Variants in RNF130 observed in about 807,000 individuals in gnomAD.
RNF130 encodes the protein ring finger protein 130.
RNF130 carries 21 observed loss-of-function variants against 44.6 expected under a neutral mutation model. That is an observed-to-expected ratio of 0.47 (90% CI 0.33 to 0.68). The LOEUF (loss-of-function observed/expected upper bound fraction) is 0.68, where lower values mean the gene tolerates loss of function less well. Ranked by LOEUF, RNF130 falls within the 30% of genes least tolerant of loss-of-function variation. The probability of loss-of-function intolerance (pLI) is 0.02; values close to 1 mark genes in which losing one functional copy is unlikely to be tolerated. For synonymous variants in RNF130, 214 were observed against 210.4 expected, an observed-to-expected ratio of 1.02 and a Z score of -0.15; for missense variants, 479 against 560.6, an observed-to-expected ratio of 0.85 and a Z score of 1.47.
At chr5:179,928,243 T>C (rs1761734324) in intron 7 of RNF130, among the ~76,000 whole-genome samples, 1 of 152,178 alleles carries the variant, frequency 6.6e-6, no homozygotes, top group Admixed American at 6.6e-5. Flanking sequence ...GGTGTGCATA[T>C]TTTCAGCGTC....
intron 7 of RNF130, among the ~76,000 whole-genome samples, chr5:179,948,214 G>A (rs577000846): frequency 1.3e-4 from 20 of 152,236 alleles, no homozygotes; most frequent in African/African-American, 4.1e-4. Context: ...CAGATATTGC[G>A]AAGATTAAAA....
intron 8 of RNF130, among the ~76,000 whole-genome samples, chr5:179,958,722 G>C (rs1019527115): frequency 6.6e-6 from 1 of 151,862 alleles, no homozygotes; most frequent in African/African-American, 2.4e-5. Flanking sequence ...GTTTCACTCT[G>C]GTCACCCAGG....
rs1764200892 is a variant in RNF130, at chr5:180,034,316, A to AG, written c.442+6136dup. ...AAGAATTTTTGTGCCTACATTCGTA[A>AG]GGGATATTGGTATATAGTTTCCATG... On this transcript the variant is annotated intron_variant, in intron 2 of 8. Coordinates refer to ENST00000521389, the MANE Select transcript of RNF130 (RefSeq NM_018434.6). 2.0e-5 allele frequency among the ~76,000 whole-genome samples: 3 copies of AG among 152,218 alleles called. No homozygotes were observed. The South Asian group carries it at 6.2e-4, about 32-fold the overall frequency.
At chr5:180,005,136 C>A (rs1370942715) in intron 3 of RNF130, among the ~76,000 whole-genome samples, 1 of 151,580 alleles carries the variant, frequency 6.6e-6, no homozygotes, top group Non-Finnish European at 1.5e-5. Context: ...TGCTAAAAAA[C>A]CGTACTGATG....
intron 1 of RNF130, among the ~76,000 whole-genome samples, chr5:180,070,619 T>C (rs1765231015): frequency 6.6e-6 from 1 of 152,146 alleles, no homozygotes; most frequent in South Asian, 2.1e-4. Flanking sequence ...ATGGCAGATA[T>C]CTCCCAAAAG....
chr5:179,973,450 C>G (rs116365960), intron 5 of RNF130, among the ~76,000 whole-genome samples: 1 of 152,206 alleles, frequency 6.6e-6, no homozygotes, highest in Non-Finnish European at 1.5e-5. Flanking sequence ...GTCTGGTGCT[C>G]GGCAAACCAC....
chr5:180,049,605 C>T (rs1171472068), intron 1 of RNF130, among the ~76,000 whole-genome samples: 1 of 152,096 alleles, frequency 6.6e-6, no homozygotes, highest in Non-Finnish European at 1.5e-5. Context: ...TACTTTGATA[C>T]ATTGTTTCAG....
chr5:179,937,330 T>C (rs1761905848), intron 7 of RNF130, among the ~76,000 whole-genome samples: 2 of 152,174 alleles, frequency 1.3e-5, no homozygotes, highest in Admixed American at 1.3e-4. Flanking sequence ...CTGGAATGTA[T>C]AAAGAAACTC....
chr5:180,018,988 C>T (rs1763807210), intron 2 of RNF130, among the ~76,000 whole-genome samples: 1 of 152,224 alleles, frequency 6.6e-6, no homozygotes, highest in Non-Finnish European at 1.5e-5. Context: ...GTGGCTTTAC[C>T]ATAAGCATTT....
At chr5:180,067,227 C>T (rs1343738396) in intron 1 of RNF130, among the ~76,000 whole-genome samples, 1 of 152,170 alleles carries the variant, frequency 6.6e-6, no homozygotes, top group African/African-American at 2.4e-5. Flanking sequence ...TGCTCCCCTC[C>T]ATGAAGGTGA....
intron 1 of RNF130, among the ~76,000 whole-genome samples, chr5:180,055,746 C>T (rs1298695471): frequency 6.6e-6 from 1 of 152,116 alleles, no homozygotes; most frequent in Non-Finnish European, 1.5e-5. Context: ...ACTGGTAGAG[C>T]TGATACTTCT....
At chr5:180,046,231 C>G (rs561843666) in intron 1 of RNF130, among the ~76,000 whole-genome samples, 8 of 152,318 alleles carry the variant, frequency 5.3e-5, no homozygotes, top group Non-Finnish European at 1.0e-4. Context: ...GCCCGCCAAG[C>G]TCACACCCAC....
At chr5:179,930,049 ATTTAT>A (rs1273491365) in intron 7 of RNF130, among the ~76,000 whole-genome samples, 3 of 151,738 alleles carry the variant, frequency 2.0e-5, no homozygotes, top group African/African-American at 4.8e-5. Context: ...ATTTCATTTT[ATTTAT>A]TTATCTTTTA....
At chr5:180,066,778 A>G (rs1405606506) in intron 1 of RNF130, among the ~76,000 whole-genome samples, 2 of 152,194 alleles carry the variant, frequency 1.3e-5, no homozygotes, top group African/African-American at 4.8e-5. Context: ...GGTTGCGGTG[A>G]GCCGAGATCG....
intron 3 of RNF130, among the ~76,000 whole-genome samples, chr5:180,012,408 A>C (rs1763613067): frequency 6.6e-6 from 1 of 152,180 alleles, no homozygotes. Flanking sequence ...TTCTGTCCAC[A>C]GCACATCAAT....
intron 1 of RNF130, among the ~76,000 whole-genome samples, chr5:180,058,267 T>C (rs1212112278): frequency 2.6e-5 from 4 of 152,202 alleles, no homozygotes; most frequent in African/African-American, 9.6e-5. Flanking sequence ...TGGGAAGTCA[T>C]CAGGCTGCAG....
chr5:180,071,513 C>A lies in RNF130; in HGVS notation c.190G>T (p.Asp64Tyr). Reference protein sequence around the residue: ...FRIDRGRYGLDSPKAEVRGQV... With the variant: ...FRIDRGRYGLYSPKAEVRGQV... ...CCGCGGACCTCGGCCTTGGGGGAGT[C>A]AAGCCCGTAGCGCCCGCGGTCGATG... The change falls in exon 1 of 9, where the codon GAC becomes TAC. Residue 64 changes from aspartate to tyrosine, a missense_variant. Asp to Tyr is a radical substitution (Grantham distance 160, BLOSUM62 -3). Around this residue, in one of 3 missense-constraint regions of RNF130, gnomAD observed 138 missense variants for 126.9 expected, o/e 1.09. Coordinates refer to ENST00000521389, the MANE Select transcript of RNF130 (RefSeq NM_018434.6). The A allele has an allele frequency of 7.4e-7, 1 of 1,344,980 alleles. No homozygotes were observed. The highest frequency in any genetic ancestry group is 9.6e-7 in the Non-Finnish European group (1 of 1,041,178). The allele number at this position is 1,344,980 out of a possible 1,614,324, so 83.3% of individuals were successfully genotyped here.
intron 4 of RNF130, among the ~76,000 whole-genome samples, chr5:179,978,990 T>C (rs1762772830): frequency 6.6e-6 from 1 of 152,212 alleles, no homozygotes; most frequent in Non-Finnish European, 1.5e-5. Flanking sequence ...CACTGTCACT[T>C]GGACTGAAAC....
At chr5:179,974,764 G>A (rs1193396065) in intron 5 of RNF130, among the ~76,000 whole-genome samples, 1 of 152,258 alleles carries the variant, frequency 6.6e-6, no homozygotes, top group African/African-American at 2.4e-5. Context: ...ATGCCGGCGA[G>A]TGGAGACAGA....
Sources: gnomAD v4.1 joint callset for allele counts (sites outside exome capture counted in the v4.1 genomes callset) on GRCh38, gnomAD v4.1.1 for gene constraint, gnomAD v4.1.1 regional missense constraint, MANE v1.5 for transcripts, NCBI Gene and HGNC (gene_info 2026-07-23, HGNC 2026-07-21) for gene names.